The following NDE1 variants were observed in gnomAD, a reference collection of about 807,000 sequenced individuals.
The protein encoded by NDE1 is nudE neurodevelopment protein 1.
A neutral mutation model predicts 43.4 loss-of-function variants in NDE1; 28 were observed. The ratio of observed to expected loss-of-function variants is 0.65; its 90% CI spans 0.48 to 0.89. The LOEUF (loss-of-function observed/expected upper bound fraction) is 0.89, where lower values mean the gene tolerates loss of function less well. Among genes scored for constraint, NDE1 ranks in the 40% least tolerant of loss-of-function variants. The pLI, the probability that NDE1 is intolerant of heterozygous loss-of-function variation, is 0.00. For synonymous variants in NDE1, 184 were observed against 172.0 expected (o/e 1.07, Z -0.55); for missense variants, 441 against 434.1 (o/e 1.02, Z -0.14).
chr16:15,681,125 T>A (rs986674236), intron 4 of NDE1, among the ~76,000 whole-genome samples: 1 of 151,108 alleles, frequency 6.6e-6, no homozygotes, highest in African/African-American at 2.4e-5. Flanking sequence ...ATTGTTTAAT[T>A]TTTTTGTATC....
chr16:15,719,355 CCCCA>C lies in NDE1; in HGVS notation c.948-4833_948-4830del, dbSNP rs1197832156. ...TGTTGTCTGCCAGGGAAAGGCCAAG[CCCCA>C]CCAAGAGTCCACCCTGACAACTCAG... On this transcript the variant is annotated intron_variant, in intron 8 of 8. Coordinates refer to ENST00000396354, the MANE Select transcript of NDE1 (RefSeq NM_017668.3). 4 of 1,585,292 alleles carry C rather than the reference CCCCA, an allele frequency of 2.5e-6. No individual in the cohort carries two copies. The Middle Eastern group carries it at 6.6e-4, about 264-fold the overall frequency.
intron 8 of NDE1, chr16:15,721,345 C>G: frequency 6.7e-7 from 1 of 1,490,632 alleles, no homozygotes; most frequent in Non-Finnish European, 9.3e-7. Context: ...CAGGAGCTAG[C>G]CTCGCATGGA....
At chr16:15,719,492 G>A (rs543747584) in intron 8 of NDE1, 395 of 1,589,378 alleles carry the variant, frequency 2.5e-4, no homozygotes, top group Non-Finnish European at 3.2e-4. Flanking sequence ...AGAGGAGGAC[G>A]AAATGAAATC....
chr16:15,699,315 G>A (rs1215213112), intron 8 of NDE1, among the ~76,000 whole-genome samples: 1 of 148,456 alleles, frequency 6.7e-6, no homozygotes, highest in Admixed American at 6.7e-5. Context: ...GCTAGACTGC[G>A]GTGGTGTGAT....
intron 3 of NDE1, among the ~76,000 whole-genome samples, chr16:15,668,530 G>T (rs545914336): frequency 1.3e-5 from 2 of 152,270 alleles, no homozygotes; most frequent in South Asian, 4.1e-4. Context: ...CTCCCAAATT[G>T]CTGGGATTAT....
upstream of NDE1, among the ~76,000 whole-genome samples, chr16:15,647,120 A>G (rs953237784): frequency 1.9e-4 from 29 of 152,232 alleles, no homozygotes; most frequent in Non-Finnish European, 1.0e-4. Flanking sequence ...TAAATGATTC[A>G]TTAATGTTTG....
intron 4 of NDE1, 100 bp from the exon 5 acceptor site, chr16:15,687,275 G>T (rs760508993): frequency 3.1e-6 from 5 of 1,602,022 alleles, no homozygotes; most frequent in Non-Finnish European, 4.3e-6. Context: ...GCTGGGACTT[G>T]TGCCCAGGTG....
intron 8 of NDE1, chr16:15,717,392 C>T (rs760439257): frequency 1.3e-6 from 2 of 1,592,866 alleles, no homozygotes; most frequent in Non-Finnish European, 1.7e-6. Flanking sequence ...CAGGGAAGCC[C>T]AAGAGAGCGC....
chr16:15,724,083 C>G, intron 8 of NDE1, 108 bp from the exon 9 acceptor site: 1 of 1,602,472 alleles, frequency 6.2e-7, no homozygotes, highest in South Asian at 1.1e-5. Flanking sequence ...CAGGCCAGAG[C>G]CACGCGTCAT....
chr16:15,695,592 G>T (rs1488930148), intron 7 of NDE1: 3 of 984,698 alleles, frequency 3.0e-6, no homozygotes, highest in Admixed American at 6.2e-5. Context: ...TTGTGCTTAA[G>T]TAAAAACATA....
intron 1 of NDE1, among the ~76,000 whole-genome samples, chr16:15,658,396 G>A (rs1289091252): frequency 1.3e-5 from 2 of 152,186 alleles, no homozygotes; most frequent in African/African-American, 4.8e-5. Context: ...CCTATCATTG[G>A]CTCTGCGTGA....
chr16:15,705,211 G>A (rs952346505), intron 8 of NDE1, among the ~76,000 whole-genome samples: 4 of 152,124 alleles, frequency 2.6e-5, no homozygotes, highest in Non-Finnish European at 4.4e-5. Flanking sequence ...TGAACTCCTG[G>A]CCTCAAACGA....
At chr16:15,677,198 A>G (rs982512177) in intron 3 of NDE1, among the ~76,000 whole-genome samples, 2 of 151,844 alleles carry the variant, frequency 1.3e-5, no homozygotes, top group Non-Finnish European at 2.9e-5. Flanking sequence ...CTGTTGACTG[A>G]GCCTGGCTTG....
intron 1 of NDE1, among the ~76,000 whole-genome samples, chr16:15,652,404 G>A (rs950407711): frequency 6.6e-6 from 1 of 152,264 alleles, no homozygotes; most frequent in Non-Finnish European, 1.5e-5. Context: ...TTCCTCACAA[G>A]GTAATTTCCT....
chr16:15,653,531 G>A (rs2036604466), intron 1 of NDE1, among the ~76,000 whole-genome samples: 1 of 152,076 alleles, frequency 6.6e-6, no homozygotes, highest in East Asian at 1.9e-4. Context: ...AGGGTGTTGA[G>A]TAATTATCGA....
At chr16:15,659,059 A>G (rs984666076) in intron 1 of NDE1, among the ~76,000 whole-genome samples, 1 of 152,162 alleles carries the variant, frequency 6.6e-6, no homozygotes, top group Non-Finnish European at 1.5e-5. Flanking sequence ...TCTCTGAATG[A>G]GGGAAAGGAT....
Position 15,725,151 on chromosome 16 carries a change from A to AAC in NDE1, c.*900_*901insAC. 1 of 641,768 alleles carries AAC rather than the reference A, an allele frequency of 1.6e-6. No homozygotes were observed. The highest frequency in any genetic ancestry group is 1.8e-5 in the South Asian group (1 of 56,036). The allele number at this position is 641,768 out of a possible 1,614,324, so 39.8% of individuals were successfully genotyped here. A position where few individuals can be genotyped will look rare whatever the true frequency, so the allele number is the denominator to read the frequency against. On this transcript the variant is annotated 3_prime_UTR_variant, in exon 9 of 9. Transcript: ENST00000396354. ...GACTCTGATAAAAAAAAAAAAAAAC[A>AAC]CACACACACACAAAAAAAACAGAAT... is the stretch of plus-strand genomic sequence containing the variant.
intron 8 of NDE1, among the ~76,000 whole-genome samples, chr16:15,709,937 T>G (rs2039683635): frequency 6.6e-6 from 1 of 152,090 alleles, no homozygotes; most frequent in Non-Finnish European, 1.5e-5. Flanking sequence ...AGAGAGGGCT[T>G]GTGTCGAGAT....
intron 3 of NDE1, among the ~76,000 whole-genome samples, chr16:15,668,573 T>C (rs912427793): frequency 5.3e-5 from 8 of 152,138 alleles, no homozygotes; most frequent in Non-Finnish European, 1.2e-4. Flanking sequence ...AGGGAGACAT[T>C]TTTAGGGTAT....
Sources: allele counts gnomAD v4.1 joint callset (sites outside exome capture counted in the v4.1 genomes callset), GRCh38; gene constraint gnomAD v4.1.1; transcripts MANE v1.5; gene names NCBI Gene and HGNC (gene_info 2026-07-23, HGNC 2026-07-21).